CALN1: variants seen among roughly 807,000 people sequenced by gnomAD.
The protein encoded by CALN1 is calcium-binding protein 8.
Under a neutral mutation model 30.6 loss-of-function variants are expected in CALN1, and 17 were observed. The ratio of observed to expected loss-of-function variants is 0.56; its 90% CI spans 0.38 to 0.83. The LOEUF is 0.83. Ranked by LOEUF, CALN1 falls within the 40% of genes least tolerant of loss-of-function variation. The pLI, the probability that CALN1 is intolerant of heterozygous loss-of-function variation, is 0.00. For missense variants in CALN1, 291 were observed against 354.9 expected (o/e 0.82, Z 1.45); for synonymous variants, 156 against 131.4 (o/e 1.19, Z -1.28).
chr7:71,975,726 G>A (rs973365578), intron 5 of CALN1, among the ~76,000 whole-genome samples: 4 of 151,542 alleles, frequency 2.6e-5, no homozygotes, highest in African/African-American at 7.3e-5. Flanking sequence ...CACCACACCC[G>A]GCCTCTTTTT....
At chr7:72,130,446 G>A (rs551922028) in intron 3 of CALN1, among the ~76,000 whole-genome samples, 1 of 152,170 alleles carries the variant, frequency 6.6e-6, no homozygotes, top group South Asian at 2.1e-4. Context: ...GTGCTTGTTA[G>A]ATGGGTCGGT....
At chr7:71,987,281 C>T (rs769620474) in intron 5 of CALN1, among the ~76,000 whole-genome samples, 1 of 152,218 alleles carries the variant, frequency 6.6e-6, no homozygotes, top group Non-Finnish European at 1.5e-5. Flanking sequence ...ACGAGTTGTG[C>T]TTATTCAGTG....
chr7:72,135,293 C>T (rs559871004), intron 3 of CALN1, among the ~76,000 whole-genome samples: 35 of 152,308 alleles, frequency 2.3e-4, no homozygotes, highest in Non-Finnish European at 4.9e-4. Flanking sequence ...TTCCAGAAGG[C>T]TTTAAATTTA....
chr7:72,430,876 A>G (rs1807951100), intron 1 of CALN1, among the ~76,000 whole-genome samples: 1 of 151,976 alleles, frequency 6.6e-6, no homozygotes, highest in Admixed American at 6.6e-5. Flanking sequence ...CTGCCCTCCA[A>G]GTTTTTGTCA....
At chr7:71,818,213 C>T (rs1379493667) in intron 5 of CALN1, among the ~76,000 whole-genome samples, 2 of 151,844 alleles carry the variant, frequency 1.3e-5, no homozygotes, top group East Asian at 3.9e-4. Flanking sequence ...TCAGAGGGGG[C>T]TTTCTGGAGA....
At chr7:72,337,009 T>TG (rs1306221408) in intron 2 of CALN1, 7 of 985,502 alleles carry the variant, frequency 7.1e-6, no homozygotes, top group Middle Eastern at 5.2e-4. Context: ...TGCTCTCGTC[T>TG]GGGGACGTGT....
At chr7:72,466,972 C>G in the CALN1 span, among the ~76,000 whole-genome samples, 5 of 152,112 alleles carry the variant, frequency 3.3e-5, no homozygotes, top group Admixed American at 1.3e-4. Context: ...TCACTTAGGG[C>G]ATAGGAAGGC....
chr7:72,324,902 C>G (rs1801163274), intron 2 of CALN1, among the ~76,000 whole-genome samples: 7 of 152,120 alleles, frequency 4.6e-5, no homozygotes, highest in Admixed American at 4.6e-4. Flanking sequence ...TTCCCTGTTG[C>G]CTACTACCCT....
chr7:72,409,283 T>G (rs188517836), intron 1 of CALN1, among the ~76,000 whole-genome samples: 2 of 151,814 alleles, frequency 1.3e-5, no homozygotes, highest in African/African-American at 4.8e-5. Flanking sequence ...CAGAAGCCAC[T>G]GCACCTGGCC....
At chr7:72,098,760 GCGCGCACACACACACA>G (rs1437562113) in intron 4 of CALN1, among the ~76,000 whole-genome samples, 3 of 101,330 alleles carry the variant, frequency 3.0e-5, no homozygotes, top group Non-Finnish European at 6.4e-5. Context: ...AGCCCATTTG[GCGCGCACACACACACA>G]CACACACACA....
chr7:72,396,463 C>A (rs965092933), intron 2 of CALN1, among the ~76,000 whole-genome samples: 4 of 148,950 alleles, frequency 2.7e-5, no homozygotes, highest in South Asian at 2.1e-4. Flanking sequence ...AGAAATAGAG[C>A]AATGTATGCA....
intron 5 of CALN1, among the ~76,000 whole-genome samples, chr7:72,017,182 A>G (rs1307250768): frequency 7.5e-6 from 1 of 133,566 alleles, no homozygotes; most frequent in Non-Finnish European, 1.7e-5. Context: ...AAAAAAAAAA[A>G]AAAAAAAAAG....
chr7:71,830,033 C>CTTTTTTTTTT (rs67629864), intron 5 of CALN1, among the ~76,000 whole-genome samples: 9 of 136,716 alleles, frequency 6.6e-5, no homozygotes, highest in African/African-American at 1.9e-4. Context: ...GAGTAAGTTC[C>CTTTTTTTTTT]TTTTTTTTTT....
At chr7:71,882,264 T>C (rs1792617219) in intron 5 of CALN1, among the ~76,000 whole-genome samples, 1 of 152,214 alleles carries the variant, frequency 6.6e-6, no homozygotes, top group South Asian at 2.1e-4. Context: ...TGACCTCTGC[T>C]TTTGTTCTCA....
intron 5 of CALN1, among the ~76,000 whole-genome samples, chr7:71,947,840 T>C (rs2129523653): frequency 6.7e-6 from 1 of 150,254 alleles, no homozygotes; most frequent in African/African-American, 2.5e-5. Context: ...CTCGGGAGGC[T>C]GAGGAAGGAG....
At chr7:72,492,316 T>G in the CALN1 span, among the ~76,000 whole-genome samples, 1,713 of 152,346 alleles carry the variant, frequency 0.011, 99 homozygotes, top group East Asian at 0.14. Flanking sequence ...AGAGAGTTAG[T>G]GGCGTGATCT....
intron 3 of CALN1, among the ~76,000 whole-genome samples, chr7:72,193,495 T>A (rs556629866): frequency 6.6e-6 from 1 of 152,176 alleles, no homozygotes; most frequent in Non-Finnish European, 1.5e-5. Context: ...TGGGGACACA[T>A]CCTGAGAAAT....
chr7:71,936,789 G>A (rs1429475635), intron 5 of CALN1, among the ~76,000 whole-genome samples: 1 of 152,152 alleles, frequency 6.6e-6, no homozygotes, highest in Non-Finnish European at 1.5e-5. Flanking sequence ...TAATTCCCAT[G>A]TGTTATCGGA....
intron 2 of CALN1, among the ~76,000 whole-genome samples, chr7:72,338,900 CTTGT>C (rs1324828686): frequency 2.0e-5 from 3 of 150,976 alleles, no homozygotes; most frequent in Non-Finnish European, 2.9e-5. Context: ...TTCATTCTAA[CTTGT>C]TTTTTTTTTT....
Sources: allele counts gnomAD v4.1 joint callset (sites outside exome capture counted in the v4.1 genomes callset), GRCh38; gene constraint gnomAD v4.1.1; transcripts MANE v1.5; gene names NCBI Gene and HGNC (gene_info 2026-07-23, HGNC 2026-07-21).